The following LRRN1 variants were observed in gnomAD, a reference collection of about 807,000 sequenced individuals.
LRRN1 encodes leucine-rich repeat neuronal protein 1.
LRRN1 carries 14 observed loss-of-function variants against 45.8 expected under a neutral mutation model. The observed-to-expected ratio is 0.31, with a 90% CI of 0.20 to 0.48. The LOEUF (loss-of-function observed/expected upper bound fraction) is 0.48. LRRN1 is among the 20% of genes least tolerant of loss of function. The pLI is 0.99. For missense variants in LRRN1, 789 were observed against 874.2 expected, an observed-to-expected ratio of 0.90 and a Z score of 1.23; for synonymous variants, 359 against 330.1, an observed-to-expected ratio of 1.09 and a Z score of -0.95.
chr3:3,799,806 C>G lies in LRRN1; in HGVS notation c.-392C>G, dbSNP rs1329756781. On this transcript the variant is annotated 5_prime_UTR_variant, in exon 1 of 2. Coordinates refer to ENST00000319331, the MANE Select transcript of LRRN1 (RefSeq NM_020873.7). ...GGGCTGGGAAGGAGGCGCCGCTCAG[C>G]TAGTCCTCCTCCTCCTCCTCGTCTT... is the stretch of plus-strand genomic sequence containing the variant. 1 of 160,426 alleles carries G rather than the reference C, an allele frequency of 6.2e-6. No individual in the cohort carries two copies. The highest frequency in any genetic ancestry group is 2.4e-5 in the African/African-American group (1 of 41,508). The allele number at this position is 160,426 out of a possible 1,614,324, so 9.9% of individuals were successfully genotyped here. A position where few individuals can be genotyped will look rare whatever the true frequency, so the allele number is the denominator to read the frequency against.
At chr3:3,825,765 A>T (rs1693202406) in intron 1 of LRRN1, among the ~76,000 whole-genome samples, 1 of 152,208 alleles carries the variant, frequency 6.6e-6, no homozygotes, top group Non-Finnish European at 1.5e-5. Flanking sequence ...TTGGAAATGT[A>T]ATGCTTCTTA....
At chr3:3,828,002 A>G (rs953644012) in intron 1 of LRRN1, among the ~76,000 whole-genome samples, 2 of 152,046 alleles carry the variant, frequency 1.3e-5, no homozygotes, top group Admixed American at 1.3e-4. Flanking sequence ...CATTACTCCC[A>G]ATAACAAGAT....
At chr3:3,808,833 G>A (rs1039314084) in intron 1 of LRRN1, among the ~76,000 whole-genome samples, 2 of 151,688 alleles carry the variant, frequency 1.3e-5, no homozygotes, top group African/African-American at 4.8e-5. Flanking sequence ...ATCTAGTTTG[G>A]TATTTTTATT....
chr3:3,827,356 C>T (rs1348734185), intron 1 of LRRN1: 1 of 419,248 alleles, frequency 2.4e-6, no homozygotes, highest in Non-Finnish European at 4.8e-6. Flanking sequence ...GTATCACAAT[C>T]AGCACTGGGG....
In LRRN1 at chr3:3,816,374, T is replaced by G. The variant is rs1041985580; in HGVS notation, c.-279+16455T>G. 1.3e-5 allele frequency among the ~76,000 whole-genome samples: 2 copies of G among 152,142 alleles called. No individual in the cohort carries two copies. The highest frequency in any genetic ancestry group is 4.8e-5 in the African/African-American group (2 of 41,434). On this transcript the variant is annotated intron_variant, in intron 1 of 1. Coordinates refer to ENST00000319331, the MANE Select transcript of LRRN1 (RefSeq NM_020873.7). The surrounding 1 kb of genome is among the most constrained non-coding windows in gnomAD (Gnocchi z 4.0). ...GGAAAATCTACAATAAGAAACTCTT[T>G]CAAATTCAGGGATGTAACTTTCACC...
chr3:3,819,788 G>A (rs867455137), intron 1 of LRRN1, among the ~76,000 whole-genome samples: 5 of 152,156 alleles, frequency 3.3e-5, no homozygotes, highest in Non-Finnish European at 5.9e-5. Flanking sequence ...TCCACAATCC[G>A]TAACTAACAA....
intron 1 of LRRN1, among the ~76,000 whole-genome samples, chr3:3,832,054 T>G (rs911548076): frequency 5.3e-5 from 8 of 152,244 alleles, no homozygotes; most frequent in African/African-American, 1.9e-4. Flanking sequence ...CCACATCTGC[T>G]GCAATTGGAG....
intron 1 of LRRN1, among the ~76,000 whole-genome samples, chr3:3,825,245 A>G (rs1693192333): frequency 6.6e-6 from 1 of 152,294 alleles, no homozygotes. Context: ...AGTGCCATCC[A>G]TGCCCAGTTC....
In LRRN1 at chr3:3,845,636, C is replaced by T. The variant is rs1481865821; in HGVS notation, c.995C>T (p.Ala332Val). 4.3e-6 allele frequency: 7 copies of T among 1,614,062 alleles called. No homozygotes were observed. The highest frequency in any genetic ancestry group is 3.4e-6 in the Non-Finnish European group (4 of 1,180,004). The stretch of plus-strand genomic sequence containing the variant: ...AAACTCTCTTACATCCACCGCTTGG[C>T]TTTCCGAAGTGTCCCTGCTCTGGAA... ...NPKLSYIHRL[A>V]FRSVPALESL... Residue 332 changes from alanine to valine, a missense_variant, in exon 2 of 2, where the codon GCT (alanine) becomes GTT (valine). Coordinates refer to ENST00000319331, the MANE Select transcript of LRRN1 (RefSeq NM_020873.7). This position sits in a 1 kb window ranked among gnomAD's most constrained non-coding sequence, Gnocchi z 6.5.
intron 1 of LRRN1, among the ~76,000 whole-genome samples, chr3:3,814,611 G>A (rs929513450): frequency 2.0e-5 from 3 of 152,152 alleles, no homozygotes; most frequent in Non-Finnish European, 4.4e-5. Flanking sequence ...GGGAAGTGAT[G>A]AAGTAATCAG....
intron 1 of LRRN1, among the ~76,000 whole-genome samples, chr3:3,822,423 C>T (rs1693123671): frequency 6.6e-6 from 1 of 152,166 alleles, no homozygotes; most frequent in Non-Finnish European, 1.5e-5. Flanking sequence ...ATTCCTGTAG[C>T]TTACTATTTA....
At chr3:3,835,658 T>A (rs1693494663) in intron 1 of LRRN1, among the ~76,000 whole-genome samples, 1 of 151,920 alleles carries the variant, frequency 6.6e-6, no homozygotes, top group African/African-American at 2.4e-5. Context: ...TATTTCTTTT[T>A]GCCCAACTTC....
chr3:3,832,111 T>C (rs1355832512), intron 1 of LRRN1, among the ~76,000 whole-genome samples: 2 of 152,258 alleles, frequency 1.3e-5, no homozygotes. Context: ...TTCTCCAAGA[T>C]GCATCTGTCT....
At chr3:3,806,437 T>C (rs2106450402) in intron 1 of LRRN1, among the ~76,000 whole-genome samples, 1 of 152,300 alleles carries the variant, frequency 6.6e-6, no homozygotes, top group South Asian at 2.1e-4. Flanking sequence ...GAGACGATTT[T>C]CCATCTAGCC....
chr3:3,822,494 T>A (rs1443877128), intron 1 of LRRN1, among the ~76,000 whole-genome samples: 2 of 152,218 alleles, frequency 1.3e-5, no homozygotes, highest in Non-Finnish European at 2.9e-5. Flanking sequence ...TGCCTATCTC[T>A]TGTTTTATTT....
rs1196550916 is a variant in LRRN1 at position 3,846,843 on chromosome 3, T to A, written c.*51T>A. On this transcript the variant is annotated 3_prime_UTR_variant, in exon 2 of 2. Transcript: ENST00000319331. The surrounding 1 kb of genome is among the most constrained non-coding windows in gnomAD (Gnocchi z 5.7). ...GTAAGGAGCACAAAGACGTTTTTGC[T>A]TTATTCTGCAAAAGTGAACAAGTTG... The A allele has an allele frequency of 7.0e-7, 1 of 1,427,252 alleles. No individual in the cohort carries two copies. Among genetic ancestry groups the A allele is most frequent in the Admixed American group, 2.4e-5 (1 of 42,536 alleles). 88.4% of individuals were successfully genotyped at this position (1,427,252 alleles called of 1,614,324 possible).
intron 1 of LRRN1, among the ~76,000 whole-genome samples, chr3:3,807,520 G>T (rs1241859771): frequency 6.6e-6 from 1 of 152,186 alleles, no homozygotes. Flanking sequence ...TGTTTGTTTA[G>T]TAAGACTTGC....
intron 1 of LRRN1, among the ~76,000 whole-genome samples, chr3:3,843,039 A>C (rs1026110122): frequency 6.6e-6 from 1 of 152,236 alleles, no homozygotes; most frequent in Non-Finnish European, 1.5e-5. Context: ...ACTAAAATGG[A>C]TTAGAGATAC....
At chr3:3,817,416 CA>C (rs765130402) in intron 1 of LRRN1, among the ~76,000 whole-genome samples, 2 of 152,190 alleles carry the variant, frequency 1.3e-5, no homozygotes, top group Non-Finnish European at 2.9e-5. Flanking sequence ...TCTATCAAGT[CA>C]AAGGACAAGT....
Sources: gnomAD v4.1 joint callset for allele counts (sites outside exome capture counted in the v4.1 genomes callset) on GRCh38, gnomAD v4.1.1 for gene constraint, Gnocchi (gnomAD v3.1) non-coding constraint, MANE v1.5 for transcripts, NCBI Gene and HGNC (gene_info 2026-07-23, HGNC 2026-07-21) for gene names.